Variants in CFAP58 observed in about 807,000 individuals in gnomAD.
The protein encoded by CFAP58 is cilia and flagella associated protein 58, also known as cilia- and flagella-associated protein 58.
In CFAP58, 88 loss-of-function variants were observed where a neutral mutation model predicts 119.5. That is an observed-to-expected ratio of 0.74 (90% CI 0.62 to 0.88). The LOEUF is 0.88. Among genes scored for constraint, CFAP58 ranks in the 40% least tolerant of loss-of-function variants. The pLI is 0.00. For synonymous variants in CFAP58, 365 were observed against 366.3 expected (o/e 1.00, Z 0.04); for missense variants, 990 against 1,021.2 (o/e 0.97, Z 0.42).
the CFAP58 span, among the ~76,000 whole-genome samples, chr10:104,340,346 C>A: frequency 2.0e-5 from 3 of 152,258 alleles, no homozygotes; most frequent in East Asian, 5.8e-4. Context: ...TTCATATGTA[C>A]TCTACTTTCT....
intron 16 of CFAP58, 32 bp from the exon 17 acceptor site, chr10:104,450,039 T>G (rs2013169634): frequency 6.3e-7 from 1 of 1,579,654 alleles, no homozygotes; most frequent in Admixed American, 1.9e-5. Context: ...ATATTGTATC[T>G]TTTGTTAATG....
At chr10:104,350,261 A>C (rs2014444649), upstream of CFAP58, among the ~76,000 whole-genome samples, 1 of 152,234 alleles carries the variant, frequency 6.6e-6, no homozygotes, top group Admixed American at 6.5e-5. Flanking sequence ...TGAGATGAAT[A>C]GAAGCACTCA....
chr10:104,390,460 A>G (rs868706455), intron 9 of CFAP58, among the ~76,000 whole-genome samples: 1 of 152,220 alleles, frequency 6.6e-6, no homozygotes, highest in Admixed American at 6.5e-5. Flanking sequence ...CTATTTACTC[A>G]TTGAATAACT....
chr10:104,423,085 G>C (rs2012686875), intron 15 of CFAP58, among the ~76,000 whole-genome samples: 1 of 152,118 alleles, frequency 6.6e-6, no homozygotes, highest in African/African-American at 2.4e-5. Flanking sequence ...TTTTATTGCT[G>C]ACATGTTTTT....
At chr10:104,348,118 C>T in the CFAP58 span, among the ~76,000 whole-genome samples, 1 of 152,054 alleles carries the variant, frequency 6.6e-6, no homozygotes, top group African/African-American at 2.4e-5. Context: ...TGTAGGGTGG[C>T]CTAGAGCATC....
At chr10:104,426,226 G>A (rs11814525) in intron 15 of CFAP58, among the ~76,000 whole-genome samples, 38,878 of 152,006 alleles carry the variant, frequency 0.26, 5,766 homozygotes, top group African/African-American at 0.41. Flanking sequence ...GCAACAGAGT[G>A]AGACCCATCT....
intron 9 of CFAP58, among the ~76,000 whole-genome samples, chr10:104,389,420 G>A (rs1437511697): frequency 5.9e-5 from 9 of 152,156 alleles, no homozygotes; most frequent in Admixed American, 5.9e-4. Flanking sequence ...TATTCTGCCT[G>A]TGCAAAGAAT....
Position 104,362,026 on chromosome 10 carries a change from A to T in CFAP58, c.295A>T (p.Ile99Phe), listed in dbSNP as rs761145921. 1.9e-6 allele frequency: 3 copies of T among 1,613,086 alleles called. No homozygotes were observed. In the South Asian group the frequency reaches 3.3e-5, roughly 18 times the overall value. ...TGATATCCTATGGCCCATCTAGGAA[A>T]TTGAAAAGGCCTGGAAGATGGTGGA... ...QTTIASLKKE[I>F]EKAWKMVDSA... Residue 99 changes from isoleucine (I) to phenylalanine (F), a missense_variant, in exon 3 of 18, where the codon ATT becomes TTT. Coordinates refer to ENST00000369704, the MANE Select transcript of CFAP58 (RefSeq NM_001008723.2).
the CFAP58 span, among the ~76,000 whole-genome samples, chr10:104,343,461 A>G: frequency 6.6e-6 from 1 of 152,232 alleles, no homozygotes; most frequent in Non-Finnish European, 1.5e-5. Flanking sequence ...CTACCAACTC[A>G]TTTAATCCTC....
rs770714226 is a variant in CFAP58, at chr10:104,358,498, A to G, written c.167A>G (p.Asn56Ser). 4.3e-6 allele frequency: 7 copies of G among 1,614,024 alleles called. No homozygotes were observed. In the African/African-American group the frequency reaches 6.7e-5, roughly 15 times the overall value. Residue 56 changes from asparagine (N) to serine (S), a missense_variant, in exon 2 of 18, where the codon AAT (asparagine) becomes AGT (serine). By Grantham distance (46) the Asn-to-Ser change is conservative. Transcript: ENST00000369704. ...LHAVMKKSYD[N>S]EKRLMAKCRE... ...GCTGTCATGAAAAAGTCTTATGACA[A>G]TGAAAAGCGTCTGATGGCCAAATGC...
intron 10 of CFAP58, 21 bp downstream of exon 10, chr10:104,392,415 C>T (rs1268666824): frequency 2.0e-6 from 3 of 1,475,134 alleles, no homozygotes; most frequent in Non-Finnish European, 2.7e-6. Flanking sequence ...TATTTATATC[C>T]TTACATTTTG....
chr10:104,380,267 C>T, intron 9 of CFAP58, 47 bp downstream of exon 9: 1 of 1,490,562 alleles, frequency 6.7e-7, no homozygotes, highest in Non-Finnish European at 9.2e-7. Context: ...CACATTCCTT[C>T]CTCCGCATTT....
intron 15 of CFAP58, among the ~76,000 whole-genome samples, chr10:104,445,826 T>G (rs2013105452): frequency 6.6e-6 from 1 of 152,220 alleles, no homozygotes; most frequent in Non-Finnish European, 1.5e-5. Flanking sequence ...CAAACTTTCT[T>G]CTCTGTGTCT....
rs1271286506 is a variant in CFAP58, at chr10:104,357,904, CAT to C, written c.10-433_10-432del. Reference sequence around the variant, plus strand: ...ACACATATATAAACATATATGTACACATATACACACATATATGTACACATATA... The same window carrying C: ...ACACATATATAAACATATATGTACACATACACACATATATGTACACATATA... On this transcript the variant is annotated intron_variant, in intron 1 of 17. Coordinates refer to ENST00000369704, the MANE Select transcript of CFAP58 (RefSeq NM_001008723.2). 7.1e-5 allele frequency among the ~76,000 whole-genome samples: 7 copies of C among 98,156 alleles called. No individual in the cohort carries two copies. In the South Asian group the frequency reaches 7.9e-4, roughly 11 times the overall value. 64.4% of individuals were successfully genotyped at this position (98,156 alleles called of 152,430 possible). A position where few individuals can be genotyped will look rare whatever the true frequency, so the allele number is the denominator to read the frequency against.
At chr10:104,447,022 T>C (rs570635466) in intron 15 of CFAP58, among the ~76,000 whole-genome samples, 3 of 152,228 alleles carry the variant, frequency 2.0e-5, no homozygotes, top group South Asian at 2.1e-4. Context: ...TTCTTTTCTT[T>C]TTTTTTTCAG....
chr10:104,454,371 C>T (rs750324958), intron 17 of CFAP58, 51 bp from the exon 18 acceptor site: 22 of 1,420,780 alleles, frequency 1.5e-5, no homozygotes, highest in Admixed American at 3.4e-5. Context: ...AAATGTCAAA[C>T]TTAGACAAAA....
At chr10:104,371,105 A>G (rs2014817791) in intron 7 of CFAP58, 51 bp downstream of exon 7, 2 of 1,529,958 alleles carry the variant, frequency 1.3e-6, no homozygotes, top group Non-Finnish European at 1.8e-6. Context: ...TTGGTGACTG[A>G]TGTTATCTTG....
At chr10:104,395,190 T>G (rs978075355) in intron 11 of CFAP58, among the ~76,000 whole-genome samples, 20 of 152,368 alleles carry the variant, frequency 1.3e-4, no homozygotes, top group East Asian at 3.9e-4. Flanking sequence ...AATATTTGTT[T>G]CATTTATGGC....
At chr10:104,353,760 C>T (rs552169961), upstream of CFAP58, 3 of 980,730 alleles carry the variant, frequency 3.1e-6, no homozygotes, top group Non-Finnish European at 4.5e-6. Context: ...GGCGACGGGC[C>T]GACGCGCCGA....
Sources: gnomAD v4.1 joint callset for allele counts (sites outside exome capture counted in the v4.1 genomes callset) on GRCh38, gnomAD v4.1.1 for gene constraint, MANE v1.5 for transcripts, NCBI Gene and HGNC (gene_info 2026-07-23, HGNC 2026-07-21) for gene names.